The following THOC1 variants were observed in gnomAD, a reference collection of about 807,000 sequenced individuals.
THOC1 encodes THO complex 1.
In THOC1, 29 loss-of-function variants were observed where a neutral mutation model predicts 97.3. That is an observed-to-expected ratio of 0.30 (90% CI 0.22 to 0.41). THOC1 has a LOEUF of 0.41. Ranked by LOEUF, THOC1 falls within the 10% of genes least tolerant of loss-of-function variation. The probability of loss-of-function intolerance (pLI) is 1.00; values close to 1 mark genes in which losing one functional copy is unlikely to be tolerated. For missense variants in THOC1, 529 were observed against 761.9 expected (o/e 0.69, Z 3.60); for synonymous variants, 255 against 257.0 (o/e 0.99, Z 0.07).
Position 218,920 on chromosome 18 carries a change from C to A in THOC1, c.1420G>T (p.Ala474Ser). The A allele has an allele frequency of 6.2e-7, 1 of 1,605,810 alleles. No individual in the cohort carries two copies. Among genetic ancestry groups the A allele is most frequent in the Non-Finnish European group, 8.5e-7 (1 of 1,175,504 alleles). ...TTTTCCACCATATTTTCAGGGTCTG[C>A]CTGTTCAATGGCTTCTTCAAAGAAT... ...EEFFEEAIEQ[A>S]DPENMVENEY... Residue 474 changes from alanine to serine, a missense_variant, in exon 18 of 21, where the codon GCA becomes TCA. Around this residue, in one of 8 missense-constraint regions of THOC1, gnomAD observed 123 missense variants for 159.0 expected, o/e 0.77. Transcript: ENST00000261600.
At chr18:258,522 A>T (rs1056164301) in intron 7 of THOC1, among the ~76,000 whole-genome samples, 1 of 152,206 alleles carries the variant, frequency 6.6e-6, no homozygotes, top group Non-Finnish European at 1.5e-5. Context: ...CATATGCTAT[A>T]GGTCTTTCTA....
At position 242,698 on chromosome 18, in the gene THOC1, G is replaced by A. The variant is rs1303564833; in HGVS notation, c.918+3626C>T. On this transcript the variant is annotated intron_variant, in intron 11 of 20. Transcript: ENST00000261600. This position sits in a 1 kb window ranked among gnomAD's most constrained non-coding sequence, Gnocchi z 4.5. Reference sequence around the variant, plus strand: ...AATCATAGCTTTAGATTTCACTTTAGCTAGCTCTTACTGGCAAGGAATATG... The same window carrying A: ...AATCATAGCTTTAGATTTCACTTTAACTAGCTCTTACTGGCAAGGAATATG... Among the ~76,000 whole-genome samples, 1 of 152,140 alleles carries A rather than the reference G, an allele frequency of 6.6e-6. No homozygotes were observed. The highest frequency in any genetic ancestry group is 2.4e-5 in the African/African-American group (1 of 41,432).
At chr18:222,966 T>C (rs1029575993) in intron 17 of THOC1, among the ~76,000 whole-genome samples, 5 of 152,002 alleles carry the variant, frequency 3.3e-5, no homozygotes, top group Non-Finnish European at 5.9e-5. Context: ...CTGGACCTCC[T>C]CAACTATCAT....
chr18:252,308 T>C (rs1912303486), intron 9 of THOC1, among the ~76,000 whole-genome samples: 1 of 152,226 alleles, frequency 6.6e-6, no homozygotes, highest in Admixed American at 6.5e-5. Flanking sequence ...GCTGGGATTA[T>C]GCATAGGGTA....
At chr18:249,895 T>C (rs964640549) in intron 9 of THOC1, among the ~76,000 whole-genome samples, 28 of 152,142 alleles carry the variant, frequency 1.8e-4, no homozygotes, top group African/African-American at 6.8e-4. Flanking sequence ...TAAATACCTC[T>C]TGAAATGTAC....
chr18:244,193 C>T (rs1160801560), intron 11 of THOC1: 1 of 152,052 alleles, frequency 6.6e-6, no homozygotes, highest in Non-Finnish European at 1.5e-5. Context: ...TAGTTAAGTT[C>T]CACGTTAATA....
chr18:252,647 A>C (rs1172612999), intron 8 of THOC1, 35 bp from the exon 9 acceptor site: 20 of 1,532,732 alleles, frequency 1.3e-5, no homozygotes, highest in Non-Finnish European at 1.6e-5. Flanking sequence ...CCTGTCATGA[A>C]GCAGTCATCA....
chr18:251,857 T>C (rs979459499), intron 9 of THOC1, among the ~76,000 whole-genome samples: 3 of 152,228 alleles, frequency 2.0e-5, no homozygotes, highest in Non-Finnish European at 4.4e-5. Context: ...ACTAGGCAAA[T>C]AATTATCTTA....
At chr18:233,526 C>T (rs936435928) in intron 11 of THOC1, among the ~76,000 whole-genome samples, 23 of 152,202 alleles carry the variant, frequency 1.5e-4, no homozygotes, top group Admixed American at 1.3e-3. Flanking sequence ...GTGGAGGCTG[C>T]GATGAGCCAA....
intron 7 of THOC1, among the ~76,000 whole-genome samples, chr18:258,432 C>A (rs1301523416): frequency 6.6e-6 from 1 of 152,086 alleles, no homozygotes; most frequent in Non-Finnish European, 1.5e-5. Flanking sequence ...TCTATATTAA[C>A]CCTGACCACA....
intron 17 of THOC1, among the ~76,000 whole-genome samples, 172 bp downstream of exon 17, chr18:223,268 T>A (rs1042302422): frequency 2.0e-5 from 3 of 152,198 alleles, no homozygotes; most frequent in African/African-American, 7.2e-5. Context: ...CTAAAATTAT[T>A]TTATCAGCAC....
intron 7 of THOC1, among the ~76,000 whole-genome samples, chr18:256,645 C>T (rs1472703884): frequency 6.6e-6 from 1 of 152,138 alleles, no homozygotes; most frequent in East Asian, 1.9e-4. Flanking sequence ...GTTGCCCAGG[C>T]TGAAGTGCAA....
intron 11 of THOC1, among the ~76,000 whole-genome samples, chr18:234,255 A>G (rs1031932003): frequency 2.0e-5 from 3 of 152,176 alleles, no homozygotes; most frequent in Non-Finnish European, 4.4e-5. Context: ...TCCAATACTT[A>G]TAACTCTTAC....
chr18:260,024 T>G (rs1912554128), intron 5 of THOC1, 162 bp downstream of exon 5: 1 of 537,876 alleles, frequency 1.9e-6, no homozygotes, highest in Non-Finnish European at 3.2e-6. Flanking sequence ...ACACATGGTT[T>G]TTATTTGGCT....
chr18:219,092 G>C (rs1910995562), intron 17 of THOC1, 123 bp from the exon 18 acceptor site: 1 of 258,664 alleles, frequency 3.9e-6, no homozygotes, highest in African/African-American at 4.4e-5. Context: ...TAACCAGTGA[G>C]GATGGCATAT....
intron 11 of THOC1, among the ~76,000 whole-genome samples, chr18:243,516 C>T (rs1338991585): frequency 3.3e-5 from 5 of 151,500 alleles, no homozygotes; most frequent in African/African-American, 7.3e-5. Context: ...CCAGCCTGGG[C>T]GACAGAGCAA....
intron 1 of THOC1, among the ~76,000 whole-genome samples, chr18:266,350 A>G (rs1912767118): frequency 6.6e-6 from 1 of 152,142 alleles, no homozygotes; most frequent in East Asian, 1.9e-4. Flanking sequence ...CACCAGTTAA[A>G]TAAGAGGGTT....
At chr18:220,297 A>G (rs2143147225) in intron 17 of THOC1, among the ~76,000 whole-genome samples, 1 of 152,340 alleles carries the variant, frequency 6.6e-6, no homozygotes, top group East Asian at 1.9e-4. Context: ...CAGTACACAC[A>G]TATATGCAAG....
At chr18:246,024 C>T (rs1912075866) in intron 11 of THOC1, 1 of 183,048 alleles carries the variant, frequency 5.5e-6, no homozygotes, top group East Asian at 1.5e-4. Flanking sequence ...TTTTCATATA[C>T]AAATTAAATC....
Sources: gnomAD v4.1 joint callset for allele counts (sites outside exome capture counted in the v4.1 genomes callset) on GRCh38, gnomAD v4.1.1 for gene constraint, gnomAD v4.1.1 regional missense constraint, Gnocchi (gnomAD v3.1) non-coding constraint, MANE v1.5 for transcripts, NCBI Gene and HGNC (gene_info 2026-07-23, HGNC 2026-07-21) for gene names.